PDSS2: variants seen among roughly 807,000 people sequenced by gnomAD.
The protein encoded by PDSS2 is all trans-polyprenyl-diphosphate synthase PDSS2.
PDSS2 carries 31 observed loss-of-function variants against 44.5 expected under a neutral mutation model. That is an observed-to-expected ratio of 0.70 (90% CI 0.52 to 0.94). The LOEUF (loss-of-function observed/expected upper bound fraction) is 0.94. Ranked by LOEUF, PDSS2 falls within the 40% of genes least tolerant of loss-of-function variation. PDSS2 has a pLI of 0.00. For synonymous variants in PDSS2, 157 were observed against 180.3 expected, an observed-to-expected ratio of 0.87 and a Z score of 1.03; for missense variants, 452 against 482.2, an observed-to-expected ratio of 0.94 and a Z score of 0.59.
At chr6:107,455,628 C>T (rs1782013002) in intron 1 of PDSS2, among the ~76,000 whole-genome samples, 1 of 151,940 alleles carries the variant, frequency 6.6e-6, no homozygotes, top group Admixed American at 6.6e-5. Context: ...GTGGCACATG[C>T]CTGCAATCCC....
At chr6:107,235,066 G>T (rs1276329279) in intron 4 of PDSS2, among the ~76,000 whole-genome samples, 1 of 152,178 alleles carries the variant, frequency 6.6e-6, no homozygotes, top group Non-Finnish European at 1.5e-5. Context: ...GGAAATAAAT[G>T]AGATGAGTTT....
intron 1 of PDSS2, among the ~76,000 whole-genome samples, chr6:107,418,006 T>C (rs1276321298): frequency 6.6e-6 from 1 of 152,096 alleles, no homozygotes; most frequent in Non-Finnish European, 1.5e-5. Context: ...CATGATTATA[T>C]TTAAATAAAA....
intron 1 of PDSS2, among the ~76,000 whole-genome samples, chr6:107,360,527 T>G (rs1231126985): frequency 1.3e-5 from 2 of 152,162 alleles, no homozygotes; most frequent in Non-Finnish European, 2.9e-5. Flanking sequence ...AGGCTTGCCA[T>G]TAGAACCTTC....
intron 7 of PDSS2, among the ~76,000 whole-genome samples, chr6:107,158,482 G>A (rs369195037): frequency 3.9e-5 from 6 of 152,046 alleles, no homozygotes; most frequent in African/African-American, 7.2e-5. Context: ...ACTGTGCTCC[G>A]CCAGAGGCCA....
chr6:107,452,497 T>C (rs984697071), intron 1 of PDSS2, among the ~76,000 whole-genome samples: 1 of 148,626 alleles, frequency 6.7e-6, no homozygotes, highest in Admixed American at 6.7e-5. Flanking sequence ...CTCCCAAAGT[T>C]CTGGGATTAC....
chr6:107,213,665 G>A lies in PDSS2; in HGVS notation c.703-1383C>T, dbSNP rs138874831. On this transcript the variant is annotated intron_variant, in intron 4 of 7. Coordinates refer to ENST00000369037, the MANE Select transcript of PDSS2 (RefSeq NM_020381.4). The stretch of plus-strand genomic sequence containing the variant: ...CCAGCTACTTGGGAGGCCGAGGCAG[G>A]AGAATCACTTGAACCTGGGTGGGAG... Among the ~76,000 whole-genome samples the A allele has an allele frequency of 6.4e-3, 967 of 152,216 alleles. 9 individuals carry two copies. The highest frequency in any genetic ancestry group is 0.022 in the African/African-American group (913 of 41,542).
chr6:107,373,928 T>C (rs1779202095), intron 1 of PDSS2, among the ~76,000 whole-genome samples: 1 of 152,160 alleles, frequency 6.6e-6, no homozygotes, highest in Non-Finnish European at 1.5e-5. Context: ...AGTAAGATTT[T>C]CTCTTCTAAA....
chr6:107,401,943 G>A (rs1436847256), intron 1 of PDSS2, among the ~76,000 whole-genome samples: 1 of 152,128 alleles, frequency 6.6e-6, no homozygotes, highest in East Asian at 1.9e-4. Flanking sequence ...AGGAGCTTGA[G>A]GCCATCCTGG....
chr6:107,299,730 T>C (rs1305499158), intron 2 of PDSS2, among the ~76,000 whole-genome samples: 2 of 152,120 alleles, frequency 1.3e-5, no homozygotes, highest in East Asian at 3.8e-4. Flanking sequence ...CCCACATCCA[T>C]ATGCCCCGCA....
chr6:107,350,885 A>C (rs1778412836), intron 1 of PDSS2, among the ~76,000 whole-genome samples: 1 of 152,092 alleles, frequency 6.6e-6, no homozygotes, highest in Admixed American at 6.5e-5. Context: ...GGGAAAAAAA[A>C]ACAAAACAGT....
chr6:107,412,356 A>G (rs1780531670), intron 1 of PDSS2, among the ~76,000 whole-genome samples: 1 of 146,814 alleles, frequency 6.8e-6, no homozygotes, highest in Non-Finnish European at 1.5e-5. Flanking sequence ...CTCCTGCCTC[A>G]GCCTCCCAAG....
intron 6 of PDSS2, among the ~76,000 whole-genome samples, chr6:107,207,688 C>T (rs1354268324): frequency 6.9e-6 from 1 of 144,952 alleles, no homozygotes; most frequent in African/African-American, 2.6e-5. Flanking sequence ...CAGCTCACTG[C>T]AACCTCTGCC....
At chr6:107,394,177 A>G (rs1384293224) in intron 1 of PDSS2, among the ~76,000 whole-genome samples, 2 of 151,498 alleles carry the variant, frequency 1.3e-5, no homozygotes, top group Admixed American at 1.3e-4. Context: ...TATCTTCTCT[A>G]TTTGGCTTAT....
intron 7 of PDSS2, among the ~76,000 whole-genome samples, chr6:107,155,877 C>A (rs549017032): frequency 6.0e-4 from 31 of 51,664 alleles, no homozygotes; most frequent in African/African-American, 2.4e-3. Flanking sequence ...CTTGCCCGGC[C>A]TTTTTTTTTT....
At chr6:107,272,830 A>C (rs1775647433) in intron 3 of PDSS2, among the ~76,000 whole-genome samples, 1 of 152,158 alleles carries the variant, frequency 6.6e-6, no homozygotes, top group Admixed American at 6.5e-5. Context: ...AAAAAATTTA[A>C]AAATTAGCCA....
chr6:107,418,112 A>C (rs948960052), intron 1 of PDSS2, among the ~76,000 whole-genome samples: 2 of 152,204 alleles, frequency 1.3e-5, no homozygotes, highest in Non-Finnish European at 2.9e-5. Context: ...CCTCAAAGAC[A>C]TCCCCATCCT....
At chr6:107,202,510 G>A (rs1478814144) in intron 6 of PDSS2, among the ~76,000 whole-genome samples, 1 of 152,194 alleles carries the variant, frequency 6.6e-6, no homozygotes, top group African/African-American at 2.4e-5. Context: ...GCAGCCCACT[G>A]AGTATTGGTT....
chr6:107,357,828 A>C (rs898546607), intron 1 of PDSS2, among the ~76,000 whole-genome samples: 1 of 152,230 alleles, frequency 6.6e-6, no homozygotes, highest in African/African-American at 2.4e-5. Context: ...GATATTTAAA[A>C]TGCTAGAGTT....
At chr6:107,332,494 A>G (rs1398167989) in intron 2 of PDSS2, among the ~76,000 whole-genome samples, 1 of 152,178 alleles carries the variant, frequency 6.6e-6, no homozygotes. Context: ...TTTCCATTTA[A>G]AAGTTTTTAA....
Sources: gnomAD v4.1 joint callset for allele counts (sites outside exome capture counted in the v4.1 genomes callset) on GRCh38, gnomAD v4.1.1 for gene constraint, MANE v1.5 for transcripts, NCBI Gene and HGNC (gene_info 2026-07-23, HGNC 2026-07-21) for gene names.